The following BTRC variants were observed in gnomAD, a reference collection of about 807,000 sequenced individuals.
BTRC encodes the protein beta-transducin repeat containing E3 ubiquitin protein ligase.
Under a neutral mutation model 85.5 loss-of-function variants are expected in BTRC, and 42 were observed. That is an observed-to-expected ratio of 0.49 (90% CI 0.38 to 0.64). BTRC has a LOEUF of 0.64. Among genes scored for constraint, BTRC ranks in the 30% least tolerant of loss-of-function variants. The pLI is 0.00. For synonymous variants in BTRC, 255 were observed against 263.3 expected, an observed-to-expected ratio of 0.97 and a Z score of 0.30; for missense variants, 594 against 743.5, an observed-to-expected ratio of 0.80 and a Z score of 2.34.
At chr10:101,362,638 G>A (rs530726929) in intron 1 of BTRC, among the ~76,000 whole-genome samples, 5 of 151,572 alleles carry the variant, frequency 3.3e-5, no homozygotes, top group South Asian at 4.2e-4. Flanking sequence ...TAGGTGATCC[G>A]CCCGCCTCTG....
chr10:101,367,495 A>G (rs1175563411), intron 1 of BTRC, among the ~76,000 whole-genome samples: 1 of 152,226 alleles, frequency 6.6e-6, no homozygotes, highest in Non-Finnish European at 1.5e-5. Flanking sequence ...ATAATTATAT[A>G]TAGCTCAGTG....
At chr10:101,418,064 T>A (rs1943993701) in intron 1 of BTRC, among the ~76,000 whole-genome samples, 1 of 152,168 alleles carries the variant, frequency 6.6e-6, no homozygotes, top group African/African-American at 2.4e-5. Context: ...ATTGAGTGGC[T>A]TATAATAACA....
chr10:101,515,685 G>C (rs1227381221), intron 4 of BTRC, among the ~76,000 whole-genome samples: 5 of 151,992 alleles, frequency 3.3e-5, no homozygotes, highest in Admixed American at 2.0e-4. Context: ...CTAATTTTTT[G>C]TACTTTTAGT....
intron 3 of BTRC, among the ~76,000 whole-genome samples, chr10:101,464,845 C>T (rs1230428628): frequency 6.6e-6 from 1 of 152,104 alleles, no homozygotes; most frequent in African/African-American, 2.4e-5. Context: ...TTTGCTCGAA[C>T]CAGATTACTG....
chr10:101,403,984 A>ATGTG (rs1217692469), intron 1 of BTRC, among the ~76,000 whole-genome samples: 1,741 of 95,018 alleles, frequency 0.018, 62 homozygotes, highest in Non-Finnish European at 0.027. Flanking sequence ...AATCCTATCT[A>ATGTG]TGTGTATGTG....
intron 6 of BTRC, among the ~76,000 whole-genome samples, chr10:101,528,296 T>C (rs2062230358): frequency 7.4e-6 from 1 of 135,064 alleles, no homozygotes; most frequent in Non-Finnish European, 1.8e-5. Context: ...CAGATGGATG[T>C]GAAAATGCCA....
intron 2 of BTRC, among the ~76,000 whole-genome samples, chr10:101,437,458 G>A (rs556214530): frequency 1.3e-5 from 2 of 152,208 alleles, no homozygotes; most frequent in East Asian, 3.9e-4. Context: ...TCATTTTTAA[G>A]TATTTTATTA....
At chr10:101,365,920 G>T (rs902660962) in intron 1 of BTRC, among the ~76,000 whole-genome samples, 10 of 152,166 alleles carry the variant, frequency 6.6e-5, no homozygotes, top group African/African-American at 2.4e-4. Context: ...ACTGGCCAGT[G>T]GGCTGACAGT....
chr10:101,439,520 A>G (rs1464996601), intron 2 of BTRC, among the ~76,000 whole-genome samples: 2 of 152,228 alleles, frequency 1.3e-5, no homozygotes, highest in Non-Finnish European at 2.9e-5. Context: ...TGTATTGGCT[A>G]TGAAATATTG....
At chr10:101,402,553 G>A (rs554784388) in intron 1 of BTRC, among the ~76,000 whole-genome samples, 4 of 152,012 alleles carry the variant, frequency 2.6e-5, no homozygotes, top group East Asian at 3.8e-4. Context: ...TCCAAGTTTC[G>A]TGGAGAAAAT....
At chr10:101,451,385 T>C (rs1311612705) in intron 2 of BTRC, among the ~76,000 whole-genome samples, 1 of 152,192 alleles carries the variant, frequency 6.6e-6, no homozygotes, top group Non-Finnish European at 1.5e-5. Flanking sequence ...CCAGTTACTT[T>C]CTTAGAATTT....
At chr10:101,446,089 A>G (rs1944815534) in intron 2 of BTRC, among the ~76,000 whole-genome samples, 1 of 151,240 alleles carries the variant, frequency 6.6e-6, no homozygotes. Context: ...ATTTAAGTAC[A>G]TTTTGTTCTC....
intron 4 of BTRC, among the ~76,000 whole-genome samples, chr10:101,482,596 C>T (rs972429392): frequency 6.6e-6 from 1 of 151,594 alleles, no homozygotes; most frequent in Non-Finnish European, 1.5e-5. Flanking sequence ...GGGGTTTCAC[C>T]GCGTTGGCCG....
intron 1 of BTRC, among the ~76,000 whole-genome samples, chr10:101,405,679 A>G (rs562479335): frequency 6.6e-6 from 1 of 152,184 alleles, no homozygotes; most frequent in Non-Finnish European, 1.5e-5. Flanking sequence ...GTTGTTCTAT[A>G]TGTTCTGTCC....
intron 1 of BTRC, among the ~76,000 whole-genome samples, chr10:101,355,182 C>G (rs1436833136): frequency 6.6e-6 from 1 of 151,822 alleles, no homozygotes; most frequent in Non-Finnish European, 1.5e-5. Context: ...AAGGAAAGGC[C>G]GTGGAGATGA....
chr10:101,542,059 G>T (rs2062477235), intron 13 of BTRC, among the ~76,000 whole-genome samples: 1 of 152,126 alleles, frequency 6.6e-6, no homozygotes, highest in Admixed American at 6.5e-5. Flanking sequence ...AATTTTCTTT[G>T]TGGAAAGTTT....
At chr10:101,549,674 A>G (rs1443176606) in intron 13 of BTRC, among the ~76,000 whole-genome samples, 1 of 138,356 alleles carries the variant, frequency 7.2e-6, no homozygotes, top group East Asian at 2.5e-4. Context: ...AGATGGCACC[A>G]CTGCACTCCA....
At chr10:101,367,045 T>TTTATATTTATATATTTATATATAA (rs1942478438) in intron 1 of BTRC, among the ~76,000 whole-genome samples, 1 of 40,452 alleles carries the variant, frequency 2.5e-5, no homozygotes, top group Non-Finnish European at 6.7e-5. Context: ...TATATATAAA[T>TTTATATTTATATATTTATATATAA]ATATATATAT....
chr10:101,354,082 G>A, upstream of BTRC: 2 of 1,391,680 alleles, frequency 1.4e-6, no homozygotes, highest in Non-Finnish European at 2.0e-6. Context: ...AGAGGGCGGG[G>A]GGAAGGAAGA....
Sources: allele counts gnomAD v4.1 joint callset (sites outside exome capture counted in the v4.1 genomes callset), GRCh38; gene constraint gnomAD v4.1.1; transcripts MANE v1.5; gene names NCBI Gene and HGNC (gene_info 2026-07-23, HGNC 2026-07-21).